The following CTNNA3 variants were observed in gnomAD, a reference collection of about 807,000 sequenced individuals.
CTNNA3 encodes the protein catenin alpha 3.
A neutral mutation model predicts 95.7 loss-of-function variants in CTNNA3; 76 were observed. The ratio of observed to expected loss-of-function variants is 0.79; its 90% CI spans 0.66 to 0.96. The LOEUF (loss-of-function observed/expected upper bound fraction) is 0.96. Ranked by LOEUF, CTNNA3 falls within the 40% of genes least tolerant of loss-of-function variation. The pLI, the probability that CTNNA3 is intolerant of heterozygous loss-of-function variation, is 0.00. For missense variants in CTNNA3, 1,191 were observed against 1,089.8 expected, an observed-to-expected ratio of 1.09 and a Z score of -1.31; for synonymous variants, 431 against 374.4, an observed-to-expected ratio of 1.15 and a Z score of -1.74.
At chr10:67,237,120 G>GTATATATA (rs1491319724) in intron 5 of CTNNA3, among the ~76,000 whole-genome samples, 18 of 15,656 alleles carry the variant, frequency 1.1e-3, no homozygotes, top group South Asian at 2.0e-3. Flanking sequence ...AGAAACTATG[G>GTATATATA]TGTATGTATA....
At position 66,407,588 on chromosome 10, in the gene CTNNA3, T is replaced by C. The variant is rs572668309; in HGVS notation, c.1532-28236A>G. 9.0e-4 allele frequency among the ~76,000 whole-genome samples: 56 copies of C among 62,034 alleles called. 1 individual carries two copies. The South Asian group carries it at 0.049, about 54-fold the overall frequency. The allele number at this position is 62,034 out of a possible 152,430, so 40.7% of individuals were successfully genotyped here. A position where few individuals can be genotyped will look rare whatever the true frequency, so the allele number is the denominator to read the frequency against. On this transcript the variant is annotated intron_variant, in intron 11 of 17. Transcript: ENST00000433211. Reference sequence around the variant, plus strand: ...GCCCACTTTCACAACTTTTACATATTTTTTTTTTTTGAGACAGAGTCTCGC... The same window carrying C: ...GCCCACTTTCACAACTTTTACATATCTTTTTTTTTTGAGACAGAGTCTCGC...
intron 7 of CTNNA3, among the ~76,000 whole-genome samples, chr10:66,846,393 C>T (rs1385219538): frequency 3.3e-5 from 5 of 151,576 alleles, no homozygotes; most frequent in South Asian, 2.1e-4. Context: ...TAATGTATAG[C>T]GTGGTGACTA....
intron 12 of CTNNA3, among the ~76,000 whole-genome samples, chr10:66,285,295 T>A (rs1427290856): frequency 6.6e-6 from 1 of 151,838 alleles, no homozygotes; most frequent in African/African-American, 2.4e-5. Context: ...TCTGGCAGAG[T>A]AGGTTTTCTA....
chr10:66,003,342 G>GTGTGTGTC (rs2078808591), intron 15 of CTNNA3, among the ~76,000 whole-genome samples: 1 of 151,956 alleles, frequency 6.6e-6, no homozygotes, highest in Non-Finnish European at 1.5e-5. Flanking sequence ...GTGTGTGTGT[G>GTGTGTGTC]TGTGTGGAGA....
intron 5 of CTNNA3, among the ~76,000 whole-genome samples, chr10:67,493,206 T>TG (rs1379629513): frequency 9.1e-5 from 13 of 142,330 alleles, no homozygotes; most frequent in Admixed American, 4.9e-4. Context: ...TAGCTCAACG[T>TG]GGGGGAAAAA....
intron 7 of CTNNA3, among the ~76,000 whole-genome samples, chr10:67,069,249 A>C (rs1856285997): frequency 3.3e-5 from 5 of 151,978 alleles, no homozygotes; most frequent in Non-Finnish European, 7.4e-5. Context: ...TTTTTAAAAA[A>C]ATTAGAGAAT....
intron 17 of CTNNA3, among the ~76,000 whole-genome samples, chr10:65,958,225 T>C (rs2077771727): frequency 1.3e-5 from 2 of 152,224 alleles, no homozygotes; most frequent in Non-Finnish European, 2.9e-5. Flanking sequence ...GCCATGGTTT[T>C]CAGCTCCATC....
intron 5 of CTNNA3, among the ~76,000 whole-genome samples, chr10:67,473,387 T>A (rs1339051410): frequency 6.6e-6 from 1 of 152,076 alleles, no homozygotes; most frequent in Non-Finnish European, 1.5e-5. Flanking sequence ...CCTCTACTAT[T>A]CTCCATACTT....
At chr10:67,696,288 G>A (rs1315113351), upstream of CTNNA3, 1 of 151,972 alleles carries the variant, frequency 6.6e-6, no homozygotes, top group East Asian at 1.9e-4. Flanking sequence ...CGTTGAAAAA[G>A]GCCAGACACA....
intron 10 of CTNNA3, among the ~76,000 whole-genome samples, chr10:66,616,157 A>C (rs186714285): frequency 6.6e-6 from 1 of 152,130 alleles, no homozygotes; most frequent in Non-Finnish European, 1.5e-5. Context: ...AGAGGATCTA[A>C]GGATTGGGTT....
At chr10:67,216,470 G>A (rs1864366098) in intron 6 of CTNNA3, among the ~76,000 whole-genome samples, 1 of 152,016 alleles carries the variant, frequency 6.6e-6, no homozygotes, top group Admixed American at 6.6e-5. Context: ...ATAAGGGTAA[G>A]GAAAAAATGC....
chr10:66,302,389 A>G (rs762731157), intron 12 of CTNNA3, among the ~76,000 whole-genome samples: 20 of 152,262 alleles, frequency 1.3e-4, no homozygotes, highest in Non-Finnish European at 2.9e-4. Context: ...AGACAAAATT[A>G]GAGGACTGAC....
At chr10:67,102,522 C>T (rs539155930) in intron 7 of CTNNA3, among the ~76,000 whole-genome samples, 2 of 151,888 alleles carry the variant, frequency 1.3e-5, no homozygotes, top group East Asian at 3.9e-4. Flanking sequence ...AGTGATCTTA[C>T]AGCAGCAGAG....
At chr10:67,511,066 T>A (rs1839610499) in intron 5 of CTNNA3, among the ~76,000 whole-genome samples, 1 of 152,208 alleles carries the variant, frequency 6.6e-6, no homozygotes, top group African/African-American at 2.4e-5. Context: ...TTGCTGAAGT[T>A]TTTTATCAGC....
In CTNNA3 at chr10:67,086,006, G is replaced by T. The variant is rs1857289335; in HGVS notation, c.1047+94311C>A. Among the ~76,000 whole-genome samples the T allele has an allele frequency of 2.6e-5, 4 of 151,958 alleles. No homozygotes were observed. In the South Asian group the frequency reaches 8.3e-4, roughly 31 times the overall value. On this transcript the variant is annotated intron_variant, in intron 7 of 17. Transcript: ENST00000433211. Reference sequence around the variant, plus strand: ...CACATAATTCCACCCTAGGAACATGGTGTTTAAAATGGCTTGCTTGTAAAA... The same window carrying T: ...CACATAATTCCACCCTAGGAACATGTTGTTTAAAATGGCTTGCTTGTAAAA...
intron 9 of CTNNA3, among the ~76,000 whole-genome samples, chr10:66,761,502 G>A (rs914017435): frequency 2.0e-5 from 3 of 152,044 alleles, no homozygotes; most frequent in African/African-American, 7.2e-5. Flanking sequence ...AGGGTAACTG[G>A]AGATTTCACT....
chr10:66,862,293 C>T (rs1843971024), intron 7 of CTNNA3, among the ~76,000 whole-genome samples: 1 of 152,100 alleles, frequency 6.6e-6, no homozygotes, highest in Non-Finnish European at 1.5e-5. Flanking sequence ...CTGTTTATAT[C>T]AATTAGCTTT....
intron 11 of CTNNA3, among the ~76,000 whole-genome samples, chr10:66,417,380 A>G (rs1000791625): frequency 1.3e-5 from 2 of 152,034 alleles, no homozygotes; most frequent in African/African-American, 4.8e-5. Flanking sequence ...CGGATTCATA[A>G]AGGAAAGATT....
chr10:67,649,761 A>G (rs1488077565), intron 1 of CTNNA3, among the ~76,000 whole-genome samples: 1 of 152,250 alleles, frequency 6.6e-6, no homozygotes, highest in Admixed American at 6.5e-5. Flanking sequence ...AAATTTGTAG[A>G]TATAGCAATA....
Sources: gnomAD v4.1 joint callset for allele counts (sites outside exome capture counted in the v4.1 genomes callset) on GRCh38, gnomAD v4.1.1 for gene constraint, MANE v1.5 for transcripts, NCBI Gene and HGNC (gene_info 2026-07-23, HGNC 2026-07-21) for gene names.